Variants in TFDP2 observed in about 807,000 individuals in gnomAD.
The protein encoded by TFDP2 is transcription factor Dp-2.
TFDP2 carries 17 observed loss-of-function variants against 59.3 expected under a neutral mutation model. That is an observed-to-expected ratio of 0.29 (90% CI 0.20 to 0.43). The LOEUF (loss-of-function observed/expected upper bound fraction) is 0.43. TFDP2 is among the 20% of genes least tolerant of loss of function. The pLI is 1.00. For missense variants in TFDP2, 391 were observed against 528.8 expected (o/e 0.74, Z 2.56); for synonymous variants, 180 against 194.7 (o/e 0.92, Z 0.63).
At chr3:142,058,273 T>C (rs1232929130) in intron 3 of TFDP2, among the ~76,000 whole-genome samples, 1 of 151,958 alleles carries the variant, frequency 6.6e-6, no homozygotes, top group African/African-American at 2.4e-5. Context: ...AAGTACCTAA[T>C]AATGAACTGT....
At chr3:142,003,894 A>G (rs1441187588) in intron 4 of TFDP2, among the ~76,000 whole-genome samples, 1 of 152,226 alleles carries the variant, frequency 6.6e-6, no homozygotes, top group Non-Finnish European at 1.5e-5. Context: ...GAGAAATTCA[A>G]ATTGGGGTAT....
intron 9 of TFDP2, among the ~76,000 whole-genome samples, chr3:141,964,425 G>A (rs919347726): frequency 1.3e-5 from 2 of 152,188 alleles, no homozygotes; most frequent in Non-Finnish European, 1.5e-5. Context: ...GCCAAAGCAG[G>A]TTGATTGCTT....
At chr3:142,033,173 C>T (rs530874523) in intron 3 of TFDP2, among the ~76,000 whole-genome samples, 9 of 152,056 alleles carry the variant, frequency 5.9e-5, no homozygotes, top group African/African-American at 1.7e-4. Context: ...CCAGCCTGGG[C>T]GACTGAGTGA....
chr3:142,002,145 C>G (rs1458894727), intron 4 of TFDP2, among the ~76,000 whole-genome samples: 1 of 151,930 alleles, frequency 6.6e-6, no homozygotes, highest in African/African-American at 2.4e-5. Flanking sequence ...CAGGCACCCG[C>G]CACCATGTCC....
At chr3:142,042,630 C>CTTTTTTTTT (rs66981475) in intron 3 of TFDP2, among the ~76,000 whole-genome samples, 132 of 107,814 alleles carry the variant, frequency 1.2e-3, no homozygotes, top group Middle Eastern at 5.3e-3. Flanking sequence ...CTTTTCTTTT[C>CTTTTTTTTT]TTTTTTTTTT....
chr3:142,102,500 T>C (rs2108649287), intron 1 of TFDP2, among the ~76,000 whole-genome samples: 1 of 152,304 alleles, frequency 6.6e-6, no homozygotes, highest in South Asian at 2.1e-4. Flanking sequence ...AAATGAGTGA[T>C]ACAGTTAGTA....
At chr3:142,061,909 C>CT (rs1183381179) in intron 3 of TFDP2, among the ~76,000 whole-genome samples, 1,581 of 146,264 alleles carry the variant, frequency 0.011, 44 homozygotes, top group African/African-American at 0.036. Context: ...CACACACACA[C>CT]ACACACACAC....
intron 3 of TFDP2, among the ~76,000 whole-genome samples, chr3:142,057,670 A>T (rs552676894): frequency 1.5e-3 from 221 of 152,366 alleles, no homozygotes; most frequent in African/African-American, 5.2e-3. Flanking sequence ...AGTAAAAGTG[A>T]CTGCATTTCA....
At chr3:142,010,660 A>G (rs1944598618) in intron 3 of TFDP2, among the ~76,000 whole-genome samples, 1 of 151,434 alleles carries the variant, frequency 6.6e-6, no homozygotes, top group African/African-American at 2.4e-5. Context: ...GCAACCTACA[A>G]AATGGGAGAA....
At chr3:142,130,608 T>A (rs922339568) in intron 1 of TFDP2, among the ~76,000 whole-genome samples, 3 of 152,056 alleles carry the variant, frequency 2.0e-5, no homozygotes, top group African/African-American at 7.2e-5. Context: ...TTATTTAACA[T>A]TGGGTATATC....
chr3:142,076,184 C>T (rs181890358), intron 3 of TFDP2, among the ~76,000 whole-genome samples: 108 of 149,852 alleles, frequency 7.2e-4, no homozygotes, highest in African/African-American at 2.6e-3. Context: ...GCACTCCATC[C>T]TGGGCAACAG....
chr3:142,011,418 T>C (rs1371380960), intron 3 of TFDP2, among the ~76,000 whole-genome samples: 14 of 131,898 alleles, frequency 1.1e-4, no homozygotes, highest in African/African-American at 4.0e-4. Context: ...GGAAGGGGAA[T>C]ATCATACTCT....
At chr3:141,961,304 C>T (rs1162241255) in intron 10 of TFDP2, among the ~76,000 whole-genome samples, 3 of 134,930 alleles carry the variant, frequency 2.2e-5, no homozygotes, top group Admixed American at 8.6e-5. Flanking sequence ...AGTGCAGTGG[C>T]ACGATCTCGG....
At chr3:142,036,917 G>A (rs1391184818) in intron 3 of TFDP2, among the ~76,000 whole-genome samples, 1 of 152,186 alleles carries the variant, frequency 6.6e-6, no homozygotes, top group East Asian at 1.9e-4. Flanking sequence ...TGTTCAAAAT[G>A]TCTTTCCCCC....
intron 3 of TFDP2, among the ~76,000 whole-genome samples, chr3:142,008,239 C>T (rs1033805722): frequency 1.3e-4 from 20 of 151,968 alleles, no homozygotes; most frequent in African/African-American, 3.1e-4. Flanking sequence ...CTGAGCACCA[C>T]GGCTCTTACT....
At chr3:142,122,854 T>C (rs1225670312) in intron 1 of TFDP2, among the ~76,000 whole-genome samples, 5 of 152,174 alleles carry the variant, frequency 3.3e-5, no homozygotes, top group African/African-American at 9.7e-5. Flanking sequence ...TATAGTTAAA[T>C]AGCTATTAAA....
chr3:142,009,618 A>T (rs1944485570), intron 3 of TFDP2, among the ~76,000 whole-genome samples: 1 of 151,906 alleles, frequency 6.6e-6, no homozygotes, highest in Non-Finnish European at 1.5e-5. Context: ...AGGCTGAGGC[A>T]TGAGAATCTT....
At chr3:142,019,647 A>C (rs199656772) in intron 3 of TFDP2, among the ~76,000 whole-genome samples, 45 of 150,288 alleles carry the variant, frequency 3.0e-4, no homozygotes, top group Non-Finnish European at 3.4e-4. Flanking sequence ...TATATTAAAC[A>C]CCCCCCCCAA....
At position 141,968,634 on chromosome 3, in the gene TFDP2, CACAT is replaced by C. The variant is rs1180086655; in HGVS notation, c.732+1435_732+1438del. Among the ~76,000 whole-genome samples, 583 of 90,622 alleles carry C rather than the reference CACAT, an allele frequency of 6.4e-3. 2 individuals are homozygous for C. The highest frequency in any genetic ancestry group is 0.031 in the Middle Eastern group (2 of 64). The allele number at this position is 90,622 out of a possible 152,430, so 59.5% of individuals were successfully genotyped here. A position where few individuals can be genotyped will look rare whatever the true frequency, so the allele number is the denominator to read the frequency against. ...ATATCTCATATATAGATATATATAACACATATATATCTCATATATAGATATATAT... is the reference window on the plus strand; with the variant it reads ...ATATCTCATATATAGATATATATAACATATATCTCATATATAGATATATAT... On this transcript the variant is annotated intron_variant, in intron 9 of 12. Coordinates refer to ENST00000489671, the MANE Select transcript of TFDP2 (RefSeq NM_001178139.2).
Sources: allele counts gnomAD v4.1 joint callset (sites outside exome capture counted in the v4.1 genomes callset), GRCh38; gene constraint gnomAD v4.1.1; transcripts MANE v1.5; gene names NCBI Gene and HGNC (gene_info 2026-07-23, HGNC 2026-07-21).